Variants in SNTB2 observed in about 807,000 individuals in gnomAD.
SNTB2 encodes the protein syntrophin beta 2, also known as beta-2-syntrophin.
A neutral mutation model predicts 46.2 loss-of-function variants in SNTB2; 34 were observed. The ratio of observed to expected loss-of-function variants is 0.74; its 90% CI spans 0.56 to 0.98. The LOEUF (loss-of-function observed/expected upper bound fraction) is 0.98. Among genes scored for constraint, SNTB2 ranks in the 50% least tolerant of loss-of-function variants. The pLI is 0.00. For missense variants in SNTB2, 603 were observed against 731.4 expected (o/e 0.82, Z 2.02); for synonymous variants, 290 against 312.6 (o/e 0.93, Z 0.76).
At chr16:69,273,802 A>C (rs1597195527) in intron 4 of SNTB2, among the ~76,000 whole-genome samples, 1 of 152,330 alleles carries the variant, frequency 6.6e-6, no homozygotes, top group East Asian at 1.9e-4. Flanking sequence ...TATACTAAGT[A>C]AGCGATAGCA....
At chr16:69,290,575 T>C (rs1567415915) in intron 5 of SNTB2, among the ~76,000 whole-genome samples, 1 of 149,432 alleles carries the variant, frequency 6.7e-6, no homozygotes, top group Non-Finnish European at 1.5e-5. Context: ...AGAAATTATC[T>C]TGAGTCCTTT....
chr16:69,252,661 A>G (rs1325869714), intron 2 of SNTB2, among the ~76,000 whole-genome samples: 2 of 152,184 alleles, frequency 1.3e-5, no homozygotes, highest in Non-Finnish European at 2.9e-5. Flanking sequence ...AGCTAGACTT[A>G]CAGAATCCTG....
intron 1 of SNTB2, among the ~76,000 whole-genome samples, chr16:69,205,254 A>C (rs796403459): frequency 6.6e-6 from 1 of 151,312 alleles, no homozygotes; most frequent in Non-Finnish European, 1.5e-5. Flanking sequence ...GGTTCAAGCA[A>C]TTCTCCTGCC....
chr16:69,284,180 C>G lies in SNTB2; in HGVS notation c.1281C>G (p.Ser427=). 2 of 1,613,982 alleles carry G rather than the reference C, an allele frequency of 1.2e-6. No homozygotes were observed. The highest frequency in any genetic ancestry group is 1.1e-5 in the South Asian group (1 of 91,076). ...TGGAGACACATCGGGATCTGTCATC[C>G]TGGACCAGGATACTTGTTCAGGGTT... ...FRVETHRDLS[S]WTRILVQGCH... is the part of the protein sequence containing the mutation. The change falls in exon 5 of 7, where the codon TCC becomes TCG. Residue 427 remains serine (S), a synonymous_variant. Transcript: ENST00000336278.
intron 1 of SNTB2, among the ~76,000 whole-genome samples, chr16:69,232,145 C>T (rs1049516029): frequency 6.6e-5 from 10 of 151,156 alleles, no homozygotes; most frequent in Non-Finnish European, 1.3e-4. Context: ...CTAAAAAATA[C>T]TGGGGCTTTT....
intron 2 of SNTB2, among the ~76,000 whole-genome samples, chr16:69,251,669 T>C: frequency 6.6e-6 from 1 of 151,730 alleles, no homozygotes; most frequent in Non-Finnish European, 1.5e-5. Context: ...TCCCAGCTAC[T>C]CGGGAGGCTG....
intron 1 of SNTB2, among the ~76,000 whole-genome samples, chr16:69,219,579 G>A (rs965413266): frequency 6.6e-6 from 1 of 151,958 alleles, no homozygotes; most frequent in African/African-American, 2.4e-5. Flanking sequence ...AGTGCAAGAG[G>A]GGGAAAGAAA....
chr16:69,248,190 T>C (rs562622296), intron 2 of SNTB2, among the ~76,000 whole-genome samples: 2 of 152,306 alleles, frequency 1.3e-5, no homozygotes, highest in African/African-American at 4.8e-5. Flanking sequence ...GTATTTAAAT[T>C]GTTGGCTTTG....
At chr16:69,298,874 C>G (rs1010537035) in intron 5 of SNTB2, among the ~76,000 whole-genome samples, 4 of 152,120 alleles carry the variant, frequency 2.6e-5, no homozygotes, top group African/African-American at 9.7e-5. Context: ...TCCAGGAAAC[C>G]TTTTCTTGAC....
At chr16:69,247,032 AAAACTT>A (rs1409648326) in intron 2 of SNTB2, among the ~76,000 whole-genome samples, 1 of 149,870 alleles carries the variant, frequency 6.7e-6, no homozygotes, top group Non-Finnish European at 1.5e-5. Context: ...CATGTACCCT[AAAACTT>A]AAAGTATAAT....
At chr16:69,291,793 G>A (rs962216794) in intron 5 of SNTB2, among the ~76,000 whole-genome samples, 2 of 152,108 alleles carry the variant, frequency 1.3e-5, no homozygotes, top group Non-Finnish European at 2.9e-5. Flanking sequence ...TTGAAAGTTA[G>A]CCAGGCATGG....
At chr16:69,251,299 A>T (rs1219078494) in intron 2 of SNTB2, among the ~76,000 whole-genome samples, 1 of 150,742 alleles carries the variant, frequency 6.6e-6, no homozygotes, top group Admixed American at 6.6e-5. Context: ...TTTTTTATTG[A>T]TAGTCACTTG....
At chr16:69,263,108 C>CT (rs35884506) in intron 3 of SNTB2, among the ~76,000 whole-genome samples, 3,202 of 141,894 alleles carry the variant, frequency 0.023, 59 homozygotes, top group Non-Finnish European at 0.034. Context: ...TTCCACTCTA[C>CT]TTTTTTTTTT....
intron 1 of SNTB2, among the ~76,000 whole-genome samples, chr16:69,193,056 T>C (rs1964069566): frequency 6.6e-6 from 1 of 152,068 alleles, no homozygotes; most frequent in South Asian, 2.1e-4. Flanking sequence ...GATGAGAAAG[T>C]TGAGCAGTGT....
chr16:69,240,274 G>T (rs1964598359), intron 1 of SNTB2, among the ~76,000 whole-genome samples: 1 of 152,180 alleles, frequency 6.6e-6, no homozygotes, highest in Non-Finnish European at 1.5e-5. Flanking sequence ...TTAGAATGAA[G>T]AGGAAGAGTG....
rs149845871 is a variant in SNTB2, at chr16:69,232,330, C to T, written c.581-13272C>T. Among the ~76,000 whole-genome samples the T allele has an allele frequency of 8.8e-4, 133 of 151,030 alleles. No individual in the cohort carries two copies. In the East Asian group the frequency reaches 0.023, roughly 26 times the overall value. ...ACGCCATTCTCCTGCCTCAGCCTCC[C>T]GAGTAAGTGGGACTACAGGTGCCTG... On this transcript the variant is annotated intron_variant, in intron 1 of 6. Transcript: ENST00000336278.
intron 1 of SNTB2, among the ~76,000 whole-genome samples, chr16:69,205,990 T>A (rs1399724444): frequency 6.6e-6 from 1 of 152,170 alleles, no homozygotes; most frequent in African/African-American, 2.4e-5. Context: ...TTGCTCCCAC[T>A]TTTTTGTTGT....
intron 4 of SNTB2, 40 bp from the exon 5 acceptor site, chr16:69,284,008 A>G: frequency 2.6e-6 from 4 of 1,521,358 alleles, no homozygotes; most frequent in East Asian, 2.3e-5. Context: ...TTGTCTGATA[A>G]TGTAGTTACT....
chr16:69,210,988 C>T (rs999441158), intron 1 of SNTB2, among the ~76,000 whole-genome samples: 10 of 152,116 alleles, frequency 6.6e-5, no homozygotes, highest in Non-Finnish European at 1.5e-4. Flanking sequence ...GAGACTCCGT[C>T]TCAAAAATAT....
Sources: allele counts gnomAD v4.1 joint callset (sites outside exome capture counted in the v4.1 genomes callset), GRCh38; gene constraint gnomAD v4.1.1; transcripts MANE v1.5; gene names NCBI Gene and HGNC (gene_info 2026-07-23, HGNC 2026-07-21).